The following PPP2R3A variants were observed in gnomAD, a reference collection of about 807,000 sequenced individuals.
PPP2R3A encodes serine/threonine-protein phosphatase 2A regulatory subunit B'' subunit alpha.
Under a neutral mutation model 106.9 loss-of-function variants are expected in PPP2R3A, and 80 were observed. That is an observed-to-expected ratio of 0.75 (90% CI 0.62 to 0.90). The LOEUF (loss-of-function observed/expected upper bound fraction) is 0.90, where lower values mean the gene tolerates loss of function less well. PPP2R3A is among the 40% of genes least tolerant of loss of function. PPP2R3A has a pLI of 0.00. For synonymous variants in PPP2R3A, 483 were observed against 468.3 expected, an observed-to-expected ratio of 1.03 and a Z score of -0.41; for missense variants, 1,386 against 1,350.4, an observed-to-expected ratio of 1.03 and a Z score of -0.41.
intron 4 of PPP2R3A, among the ~76,000 whole-genome samples, chr3:136,041,633 A>T (rs1346286998): frequency 6.6e-6 from 1 of 151,426 alleles, no homozygotes; most frequent in African/African-American, 2.4e-5. Context: ...ATGGGGGGCA[A>T]ATCAGATGTG....
chr3:135,974,068 A>G (rs1937325279), intron 1 of PPP2R3A, among the ~76,000 whole-genome samples: 1 of 152,120 alleles, frequency 6.6e-6, no homozygotes, highest in Non-Finnish European at 1.5e-5. Flanking sequence ...TTTCAGCAGC[A>G]TTTTACACAG....
chr3:135,984,543 A>C (rs1937580627), intron 1 of PPP2R3A, among the ~76,000 whole-genome samples: 2 of 152,086 alleles, frequency 1.3e-5, no homozygotes, highest in African/African-American at 4.8e-5. Context: ...AGGTAATTGG[A>C]TCATGGGGGC....
intron 13 of PPP2R3A, among the ~76,000 whole-genome samples, chr3:136,112,183 G>A (rs1041047973): frequency 2.0e-5 from 3 of 152,032 alleles, no homozygotes; most frequent in Non-Finnish European, 2.9e-5. Context: ...CACAGCCAGC[G>A]TCACAATGAA....
intron 1 of PPP2R3A, among the ~76,000 whole-genome samples, chr3:135,977,252 C>T (rs1024460346): frequency 1.3e-5 from 2 of 152,104 alleles, no homozygotes; most frequent in African/African-American, 4.8e-5. Flanking sequence ...TGTCTTGACT[C>T]TTCTGGCACA....
chr3:136,047,979 G>C (rs982558066), intron 4 of PPP2R3A, among the ~76,000 whole-genome samples: 1 of 152,044 alleles, frequency 6.6e-6, no homozygotes, highest in Admixed American at 6.5e-5. Flanking sequence ...AGCAAGGGCT[G>C]AAAAACTAGC....
intron 5 of PPP2R3A, among the ~76,000 whole-genome samples, chr3:136,062,251 G>T (rs561227888): frequency 6.6e-6 from 1 of 152,216 alleles, no homozygotes; most frequent in African/African-American, 2.4e-5. Flanking sequence ...CAAGAAAGAG[G>T]AATACATGAG....
chr3:136,118,196 C>G (rs968736345), intron 13 of PPP2R3A, among the ~76,000 whole-genome samples: 1 of 152,184 alleles, frequency 6.6e-6, no homozygotes, highest in South Asian at 2.1e-4. Context: ...GCTAAATGCT[C>G]TCAATAAACT....
At chr3:136,107,431 CTTTTTTTT>C (rs11324496) in intron 13 of PPP2R3A, among the ~76,000 whole-genome samples, 56 of 71,434 alleles carry the variant, frequency 7.8e-4, no homozygotes, top group Admixed American at 2.2e-3. Context: ...TACATGAATT[CTTTTTTTT>C]TTTTTTTTTT....
At chr3:136,011,856 C>T (rs553972513) in intron 2 of PPP2R3A, among the ~76,000 whole-genome samples, 4 of 152,232 alleles carry the variant, frequency 2.6e-5, no homozygotes, top group African/African-American at 4.8e-5. Context: ...ATCCAAGAGA[C>T]GTATTTGTCG....
At chr3:136,057,076 C>CA (rs935977920) in intron 5 of PPP2R3A, among the ~76,000 whole-genome samples, 59 of 137,008 alleles carry the variant, frequency 4.3e-4, no homozygotes, top group Admixed American at 4.0e-3. Flanking sequence ...AGGACCCCCC[C>CA]CACACACACC....
intron 5 of PPP2R3A, among the ~76,000 whole-genome samples, chr3:136,056,419 G>A (rs1429512874): frequency 4.6e-5 from 7 of 151,992 alleles, no homozygotes; most frequent in African/African-American, 1.2e-4. Context: ...GAATCTGGGC[G>A]CAGGGTATAT....
chr3:136,079,418 T>C (rs1299317527), intron 7 of PPP2R3A: 3 of 204,988 alleles, frequency 1.5e-5, no homozygotes, highest in Non-Finnish European at 3.0e-5. Flanking sequence ...TTTTTTTTTT[T>C]TTTTTTTTGA....
intron 12 of PPP2R3A, among the ~76,000 whole-genome samples, chr3:136,104,208 C>T (rs1270557013): frequency 1.3e-5 from 2 of 152,174 alleles, no homozygotes; most frequent in Admixed American, 1.3e-4. Flanking sequence ...CAGCTGACCT[C>T]AGCATATCAA....
chr3:136,079,746 C>CT lies in PPP2R3A; in HGVS notation c.2631+1307dup, dbSNP rs79330361. 9.8e-3 allele frequency among the ~76,000 whole-genome samples: 1,398 copies of CT among 142,544 alleles called. 20 individuals are homozygous for CT. The highest frequency in any genetic ancestry group is 0.028 in the African/African-American group (1,094 of 39,092). 93.5% of individuals were successfully genotyped at this position (142,544 alleles called of 152,430 possible). ...TCTTTTTTGGCTTTTAAAATTAATC[C>CT]TTTTTTTTTTTTTTACCAGTGATAA... is the stretch of plus-strand genomic sequence containing the variant. On this transcript the variant is annotated intron_variant, in intron 7 of 13. Coordinates refer to ENST00000264977, the MANE Select transcript of PPP2R3A (RefSeq NM_002718.5).
chr3:135,989,049 G>A (rs1056485791), intron 1 of PPP2R3A, among the ~76,000 whole-genome samples: 3 of 151,940 alleles, frequency 2.0e-5, no homozygotes, highest in Admixed American at 1.3e-4. Context: ...TTTTTTTAAC[G>A]CTGTTATTTT....
chr3:136,044,689 T>C (rs1025482150), intron 4 of PPP2R3A, among the ~76,000 whole-genome samples: 1 of 151,976 alleles, frequency 6.6e-6, no homozygotes, highest in African/African-American at 2.4e-5. Context: ...CAGCATACTT[T>C]GAACAGACCT....
intron 13 of PPP2R3A, among the ~76,000 whole-genome samples, chr3:136,112,031 A>G (rs116671067): frequency 0.016 from 2,483 of 152,326 alleles, 69 homozygotes; most frequent in African/African-American, 0.057. Flanking sequence ...GAATAGAACA[A>G]AAAACAAAAA....
intron 2 of PPP2R3A, among the ~76,000 whole-genome samples, chr3:136,021,631 G>A (rs185637424): frequency 3.0e-4 from 46 of 152,054 alleles, no homozygotes; most frequent in African/African-American, 1.0e-3. Flanking sequence ...AATAATGTTT[G>A]GTGTATATTT....
At chr3:135,968,612 G>C (rs1009897404) in intron 1 of PPP2R3A, among the ~76,000 whole-genome samples, 20 of 152,014 alleles carry the variant, frequency 1.3e-4, no homozygotes, top group African/African-American at 3.6e-4. Flanking sequence ...ACTCTCATCA[G>C]AACCACCAGA....
Sources: gnomAD v4.1 joint callset for allele counts (sites outside exome capture counted in the v4.1 genomes callset) on GRCh38, gnomAD v4.1.1 for gene constraint, MANE v1.5 for transcripts, NCBI Gene and HGNC (gene_info 2026-07-23, HGNC 2026-07-21) for gene names.